Variants in ANK2 observed in about 807,000 individuals in gnomAD.
The protein encoded by ANK2 is ankyrin-2.
ANK2 carries 83 observed loss-of-function variants against 360.5 expected under a neutral mutation model. The observed-to-expected ratio is 0.23, with a 90% confidence interval of 0.19 to 0.28. The LOEUF is 0.28. ANK2 is among the 10% of genes least tolerant of loss of function. The pLI is 1.00. For synonymous variants in ANK2, 1,740 were observed against 1,759.5 expected, an observed-to-expected ratio of 0.99 and a Z score of 0.28; for missense variants, 4,201 against 4,795.7, an observed-to-expected ratio of 0.88 and a Z score of 3.66.
intron 4 of ANK2, among the ~76,000 whole-genome samples, chr4:113,205,152 C>T (rs1010468200): frequency 9.3e-5 from 13 of 139,038 alleles, no homozygotes; most frequent in Admixed American, 3.2e-4. Flanking sequence ...AGGAGAATGG[C>T]GTGAACCCGG....
intron 2 of ANK2, among the ~76,000 whole-genome samples, chr4:112,976,277 T>C (rs979382291): frequency 2.0e-5 from 3 of 151,550 alleles, no homozygotes; most frequent in African/African-American, 7.3e-5. Context: ...CACTGCAACC[T>C]CCATCTCCCA....
At chr4:113,322,029 G>T (rs191112220) in intron 26 of ANK2, among the ~76,000 whole-genome samples, 161 of 152,254 alleles carry the variant, frequency 1.1e-3, no homozygotes, top group Non-Finnish European at 2.0e-3. Flanking sequence ...ACCGTGCCCA[G>T]CCAAAAAACA....
Position 113,383,532 on chromosome 4 carries a change from G to A in ANK2, c.*2061G>A, listed in dbSNP as rs368378346. The A allele has an allele frequency of 6.6e-6, 1 of 152,636 alleles. No individual in the cohort carries two copies. Among genetic ancestry groups the A allele is most frequent in the Admixed American group, 6.5e-5 (1 of 15,292 alleles). The allele number at this position is 152,636 out of a possible 1,614,324, so 9.5% of individuals were successfully genotyped here. ...TTTTTTTGATTTTGATTTTTGCTGTGTTATCAAAAACTTGAATACTGTGAG... is the reference window on the plus strand; with the variant it reads ...TTTTTTTGATTTTGATTTTTGCTGTATTATCAAAAACTTGAATACTGTGAG... On this transcript the variant is annotated 3_prime_UTR_variant, in exon 46 of 46. Coordinates refer to ENST00000357077, the MANE Select transcript of ANK2 (RefSeq NM_001148.6).
chr4:112,827,885 T>TA, intron 1 of ANK2, among the ~76,000 whole-genome samples: 2 of 152,044 alleles, frequency 1.3e-5, no homozygotes, highest in East Asian at 3.9e-4. Flanking sequence ...TCATAAGGAA[T>TA]AAAAAAAGAG....
At chr4:112,828,699 C>G (rs1011579622) in intron 1 of ANK2, among the ~76,000 whole-genome samples, 1 of 152,158 alleles carries the variant, frequency 6.6e-6, no homozygotes, top group Non-Finnish European at 1.5e-5. Flanking sequence ...AAGTAAATAA[C>G]CTTTGCACAG....
At chr4:112,822,014 C>T (rs571264124) in intron 1 of ANK2, among the ~76,000 whole-genome samples, 39 of 152,078 alleles carry the variant, frequency 2.6e-4, no homozygotes, top group East Asian at 1.9e-3. Context: ...GCGATCCACC[C>T]GCCTCAGCCT....
At chr4:112,994,680 G>C (rs1038677735) in intron 2 of ANK2, among the ~76,000 whole-genome samples, 4 of 152,268 alleles carry the variant, frequency 2.6e-5, no homozygotes, top group African/African-American at 9.6e-5. Flanking sequence ...TGATGCTGAG[G>C]TTTGGGGCAT....
chr4:112,712,829 CATT>C, the ANK2 span, among the ~76,000 whole-genome samples: 2 of 152,094 alleles, frequency 1.3e-5, no homozygotes, highest in African/African-American at 2.4e-5. Context: ...TATGTATTGA[CATT>C]ATTAATTTAG....
chr4:112,716,465 A>G, the ANK2 span, among the ~76,000 whole-genome samples: 665 of 152,290 alleles, frequency 4.4e-3, 3 homozygotes, highest in African/African-American at 0.015. Flanking sequence ...ATAAAATACT[A>G]TAGGTGTATA....
chr4:113,247,271 C>T (rs186793683), intron 9 of ANK2, among the ~76,000 whole-genome samples: 60 of 151,966 alleles, frequency 3.9e-4, no homozygotes, highest in Admixed American at 3.5e-3. Context: ...TTTTAGAATA[C>T]AAAAGCTTGA....
the ANK2 span, among the ~76,000 whole-genome samples, chr4:112,732,688 G>A: frequency 2.0e-5 from 3 of 152,260 alleles, no homozygotes; most frequent in Admixed American, 2.0e-4. Context: ...TGAGTGTTGG[G>A]ACGCACTTTT....
At chr4:113,020,220 G>A (rs1205758336) in intron 2 of ANK2, among the ~76,000 whole-genome samples, 1 of 152,098 alleles carries the variant, frequency 6.6e-6, no homozygotes, top group Non-Finnish European at 1.5e-5. Context: ...GTCTTTCTCT[G>A]TTGCCCAAGG....
chr4:113,093,423 G>A (rs900539803), intron 1 of ANK2, among the ~76,000 whole-genome samples: 1 of 152,064 alleles, frequency 6.6e-6, no homozygotes, highest in African/African-American at 2.4e-5. Flanking sequence ...GTGCAGTGGT[G>A]TAATCTCGCC....
At position 113,173,744 on chromosome 4, in the gene ANK2, CA is replaced by C. The variant is rs570053981; in HGVS notation, c.85-668del. On this transcript the variant is annotated intron_variant, in intron 1 of 45. Transcript: ENST00000357077. ...TTCCATCCAGAGTGATCATCTTTAC[CA>C]AAAGATTTTAGTCTGGTATTATGTC... Among the ~76,000 whole-genome samples the C allele has an allele frequency of 1.4e-4, 22 of 152,154 alleles. No homozygotes were observed. In the South Asian group the frequency reaches 4.4e-3, roughly 30 times the overall value.
chr4:113,313,339 T>G (rs1312337093), intron 24 of ANK2, among the ~76,000 whole-genome samples: 3 of 152,256 alleles, frequency 2.0e-5, no homozygotes, highest in Middle Eastern at 3.2e-3. Flanking sequence ...TGATTTGATC[T>G]GTTTTTCTTC....
At chr4:112,879,132 A>C (rs1381788146) in intron 1 of ANK2, among the ~76,000 whole-genome samples, 2 of 152,208 alleles carry the variant, frequency 1.3e-5, no homozygotes, top group Non-Finnish European at 2.9e-5. Context: ...AAAACAAAAA[A>C]CAAAAAACTA....
At chr4:113,274,076 T>C (rs954113953) in intron 14 of ANK2, among the ~76,000 whole-genome samples, 1 of 152,214 alleles carries the variant, frequency 6.6e-6, no homozygotes, top group Non-Finnish European at 1.5e-5. Context: ...ATCCTGTTTC[T>C]AAGTGAAAAC....
chr4:112,956,370 A>T (rs2095329868), intron 2 of ANK2, among the ~76,000 whole-genome samples: 1 of 152,134 alleles, frequency 6.6e-6, no homozygotes, highest in Non-Finnish European at 1.5e-5. Flanking sequence ...TAAGTTGAGA[A>T]CTTTCACCTT....
chr4:113,154,719 T>G (rs1446039799), intron 1 of ANK2, among the ~76,000 whole-genome samples: 1 of 152,254 alleles, frequency 6.6e-6, no homozygotes, highest in African/African-American at 2.4e-5. Flanking sequence ...ATTCTTGTTT[T>G]GTAACATATA....
Sources: gnomAD v4.1 joint callset for allele counts (sites outside exome capture counted in the v4.1 genomes callset) on GRCh38, gnomAD v4.1.1 for gene constraint, MANE v1.5 for transcripts, NCBI Gene and HGNC (gene_info 2026-07-23, HGNC 2026-07-21) for gene names.